COL28A1: variants seen among roughly 807,000 people sequenced by gnomAD.
The protein encoded by COL28A1 is collagen type XXVIII alpha 1 chain.
A neutral mutation model predicts 150.2 loss-of-function variants in COL28A1; 161 were observed. The observed-to-expected ratio is 1.07, with a 90% CI of 0.94 to 1.22. The LOEUF (loss-of-function observed/expected upper bound fraction) is 1.22, where lower values mean the gene tolerates loss of function less well. COL28A1 is among the 50% of genes most tolerant of loss of function. The pLI is 0.00. For synonymous variants in COL28A1, 552 were observed against 469.7 expected (o/e 1.18, Z -2.26); for missense variants, 1,617 against 1,388.3 (o/e 1.16, Z -2.62).
chr7:7,417,565 G>T, intron 27 of COL28A1: 1 of 241,190 alleles, frequency 4.1e-6, no homozygotes, highest in Non-Finnish European at 7.7e-6. Flanking sequence ...GAGAGAGAGA[G>T]AGAGCAACTG....
chr7:7,505,931 A>C, intron 11 of COL28A1, 83 bp downstream of exon 11: 1 of 805,340 alleles, frequency 1.2e-6, no homozygotes, highest in Non-Finnish European at 2.2e-6. Context: ...GAATCCATTG[A>C]CTTTTACCTA....
intron 3 of COL28A1, among the ~76,000 whole-genome samples, chr7:7,524,519 T>G (rs1396828449): frequency 6.6e-6 from 1 of 152,230 alleles, no homozygotes; most frequent in East Asian, 1.9e-4. Context: ...TATCTTTTGT[T>G]TCCTTTATCA....
intron 27 of COL28A1, among the ~76,000 whole-genome samples, chr7:7,407,652 T>A (rs2128302361): frequency 6.6e-6 from 1 of 151,920 alleles, no homozygotes; most frequent in African/African-American, 2.4e-5. Flanking sequence ...TGGAAAAAAA[T>A]TGCTCTAGTA....
At chr7:7,435,069 G>A (rs930419756) in intron 23 of COL28A1, among the ~76,000 whole-genome samples, 1 of 152,060 alleles carries the variant, frequency 6.6e-6, no homozygotes, top group Non-Finnish European at 1.5e-5. Context: ...AGAGTCCAGG[G>A]GAGTAGCAAA....
chr7:7,416,890 TCTG>T (rs1338253612), intron 27 of COL28A1, among the ~76,000 whole-genome samples: 1 of 152,216 alleles, frequency 6.6e-6, no homozygotes, highest in African/African-American at 2.4e-5. Flanking sequence ...ACTAAGAAGT[TCTG>T]CTATTTGAAA....
chr7:7,533,991 C>T (rs1380769656), intron 1 of COL28A1, among the ~76,000 whole-genome samples: 1 of 152,078 alleles, frequency 6.6e-6, no homozygotes, highest in East Asian at 1.9e-4. Flanking sequence ...ATCATGAGCA[C>T]GATTTTTCCA....
chr7:7,387,494 T>C (rs1241932854), intron 27 of COL28A1, among the ~76,000 whole-genome samples: 1 of 152,170 alleles, frequency 6.6e-6, no homozygotes, highest in African/African-American at 2.4e-5. Flanking sequence ...TATAAGAGAA[T>C]GTGCTTGTTT....
chr7:7,426,042 G>GA (rs1413483265), intron 25 of COL28A1, among the ~76,000 whole-genome samples: 1 of 152,126 alleles, frequency 6.6e-6, no homozygotes, highest in East Asian at 1.9e-4. Context: ...TTGAGAAGAA[G>GA]GTGGAAGCAA....
intron 27 of COL28A1, among the ~76,000 whole-genome samples, chr7:7,383,682 G>GTATATGTATA (rs1554262305): frequency 8.1e-6 from 1 of 124,096 alleles, no homozygotes. Flanking sequence ...GTGTGTGTGT[G>GTATATGTATA]TATATATATA....
chr7:7,398,987 G>C (rs1783008420), intron 27 of COL28A1, among the ~76,000 whole-genome samples: 2 of 152,076 alleles, frequency 1.3e-5, no homozygotes, highest in South Asian at 2.1e-4. Flanking sequence ...TAGCAATCTT[G>C]TCCACTTCTA....
intron 20 of COL28A1, among the ~76,000 whole-genome samples, chr7:7,441,215 T>C (rs1409337346): frequency 6.6e-6 from 1 of 152,242 alleles, no homozygotes; most frequent in Non-Finnish European, 1.5e-5. Context: ...CTATGCTTTT[T>C]CATGCTGTTT....
In COL28A1 at chr7:7,531,433, A is replaced by T. The variant is rs1487881599; in HGVS notation, c.596T>A (p.Leu199His). The T allele has an allele frequency of 6.3e-7, 1 of 1,599,008 alleles. No individual in the cohort carries two copies. Among genetic ancestry groups the T allele is most frequent in the Non-Finnish European group, 8.6e-7 (1 of 1,166,878 alleles). ...ALSTVVNEAKLRLISGDSSSE... is the reference protein window; with the variant it reads ...ALSTVVNEAKHRLISGDSSSE... ...GGATGAATCCCCAGAAATCAAACGAAGTTTGGCTTCATTGACTACCGTAGA... is the reference window on the plus strand; with the variant it reads ...GGATGAATCCCCAGAAATCAAACGATGTTTGGCTTCATTGACTACCGTAGA... The change falls in exon 3 of 35, where the codon CTT becomes CAT. Residue 199 changes from leucine to histidine, a missense_variant. By Grantham distance (99) the Leu-to-His change is moderately conservative. Coordinates refer to ENST00000399429, the MANE Select transcript of COL28A1 (RefSeq NM_001037763.3).
chr7:7,508,684 G>C (rs1780959408), intron 9 of COL28A1, among the ~76,000 whole-genome samples: 1 of 152,268 alleles, frequency 6.6e-6, no homozygotes, highest in South Asian at 2.1e-4. Flanking sequence ...TGCTGGTGTT[G>C]TTGTTGTTGT....
intron 27 of COL28A1, among the ~76,000 whole-genome samples, chr7:7,383,622 G>A (rs1247503040): frequency 1.4e-5 from 2 of 144,962 alleles, no homozygotes; most frequent in Non-Finnish European, 3.0e-5. Flanking sequence ...ATATATTTAT[G>A]CATCCAATTT....
the COL28A1 span, among the ~76,000 whole-genome samples, chr7:7,344,468 T>G: frequency 6.6e-6 from 1 of 152,142 alleles, no homozygotes; most frequent in Non-Finnish European, 1.5e-5. Context: ...AACCTACTTA[T>G]AGTTAAGATT....
At chr7:7,409,421 G>A (rs1040664257) in intron 27 of COL28A1, among the ~76,000 whole-genome samples, 3 of 151,816 alleles carry the variant, frequency 2.0e-5, no homozygotes, top group Non-Finnish European at 4.4e-5. Context: ...GTGGGTAGGA[G>A]GAAGGGAGAG....
At position 7,456,035 on chromosome 7, in the gene COL28A1, A is replaced by G; in HGVS notation, c.1371+9T>C. 6.2e-7 allele frequency: 1 copy of G among 1,613,868 alleles called. No individual in the cohort carries two copies. The highest frequency in any genetic ancestry group is 8.5e-7 in the Non-Finnish European group (1 of 1,179,856). On this transcript the variant is annotated intron_variant, in intron 16 of 34. Coordinates refer to ENST00000399429, the MANE Select transcript of COL28A1 (RefSeq NM_001037763.3). ...TGCACTGAAGGGAAAGGAAGAATGCATTAATTACCTGTTCCCCTTGACTCC... is the reference window on the plus strand; with the variant it reads ...TGCACTGAAGGGAAAGGAAGAATGCGTTAATTACCTGTTCCCCTTGACTCC...
upstream of COL28A1, among the ~76,000 whole-genome samples, chr7:7,539,381 G>A (rs1409641694): frequency 2.0e-5 from 3 of 152,086 alleles, no homozygotes; most frequent in South Asian, 2.1e-4. Flanking sequence ...TAAAGAATCA[G>A]CTCCCCCAGG....
chr7:7,433,190 C>A (rs1326815508), intron 23 of COL28A1, among the ~76,000 whole-genome samples: 1 of 152,142 alleles, frequency 6.6e-6, no homozygotes, highest in South Asian at 2.1e-4. Context: ...AGCCCTTAGT[C>A]TCCTACAGAA....
Sources: gnomAD v4.1 joint callset for allele counts (sites outside exome capture counted in the v4.1 genomes callset) on GRCh38, gnomAD v4.1.1 for gene constraint, MANE v1.5 for transcripts, NCBI Gene and HGNC (gene_info 2026-07-23, HGNC 2026-07-21) for gene names.